EIF4EBP1: variants seen among roughly 807,000 people sequenced by gnomAD.
EIF4EBP1 encodes eukaryotic translation initiation factor 4E-binding protein 1.
Under a neutral mutation model 9.2 loss-of-function variants are expected in EIF4EBP1, and 5 were observed. The observed-to-expected ratio is 0.54, with a 90% CI of 0.28 to 1.14. EIF4EBP1 has a LOEUF of 1.14. Ranked by LOEUF, EIF4EBP1 falls within the 50% of genes most tolerant of loss-of-function variation. The probability of loss-of-function intolerance (pLI) is 0.09; values close to 1 mark genes in which losing one functional copy is unlikely to be tolerated. For synonymous variants in EIF4EBP1, 62 were observed against 67.0 expected (o/e 0.93, Z 0.36); for missense variants, 139 against 169.6 (o/e 0.82, Z 1.00).
At chr8:38,034,309 A>G (rs1809271305) in intron 1 of EIF4EBP1, among the ~76,000 whole-genome samples, 1 of 151,976 alleles carries the variant, frequency 6.6e-6, no homozygotes, top group African/African-American at 2.4e-5. Context: ...CAGCCTCCCA[A>G]ACTGCTGGGA....
chr8:38,037,592 C>T (rs549956189), intron 1 of EIF4EBP1, among the ~76,000 whole-genome samples: 37 of 152,230 alleles, frequency 2.4e-4, no homozygotes, highest in Middle Eastern at 3.4e-3. Context: ...GGATTACAGG[C>T]GTGAGCTACC....
intron 2 of EIF4EBP1, among the ~76,000 whole-genome samples, chr8:38,058,325 A>G (rs1361103709): frequency 6.6e-6 from 1 of 152,182 alleles, no homozygotes; most frequent in Non-Finnish European, 1.5e-5. Flanking sequence ...GGCGGAAGGC[A>G]TCACAGGGCA....
chr8:38,031,425 G>A (rs1284109879), intron 1 of EIF4EBP1, among the ~76,000 whole-genome samples: 1 of 152,146 alleles, frequency 6.6e-6, no homozygotes, highest in Non-Finnish European at 1.5e-5. Flanking sequence ...GGGTGGGGGG[G>A]CCAGCCTCGG....
At chr8:38,042,201 C>T (rs972767362) in intron 1 of EIF4EBP1, among the ~76,000 whole-genome samples, 1 of 152,144 alleles carries the variant, frequency 6.6e-6, no homozygotes, top group African/African-American at 2.4e-5. Context: ...TGTGAATATC[C>T]TTAATTTTCT....
rs115677666 is a variant in EIF4EBP1 at position 38,037,141 on chromosome 8, C to A, written c.145+6423C>A. Reference sequence around the variant, plus strand: ...ATTATGATTCATAGCGAATGAATCACACGTTTTTGTTTACGTGTTTGTTCC... The same window carrying A: ...ATTATGATTCATAGCGAATGAATCAAACGTTTTTGTTTACGTGTTTGTTCC... On this transcript the variant is annotated intron_variant, in intron 1 of 2. Transcript: ENST00000338825. Among the ~76,000 whole-genome samples the A allele has an allele frequency of 9.7e-3, 1,476 of 152,198 alleles. 25 individuals carry two copies. Among genetic ancestry groups the A allele is most frequent in the African/African-American group, 0.034 (1,402 of 41,490 alleles).
At chr8:38,031,568 GC>G (rs942002536) in intron 1 of EIF4EBP1, among the ~76,000 whole-genome samples, 2 of 152,108 alleles carry the variant, frequency 1.3e-5, no homozygotes, top group African/African-American at 4.8e-5. Context: ...TTGTCGCACT[GC>G]CCCCACCCCT....
At chr8:38,037,028 G>A (rs1809313154) in intron 1 of EIF4EBP1, among the ~76,000 whole-genome samples, 1 of 152,048 alleles carries the variant, frequency 6.6e-6, no homozygotes, top group Admixed American at 6.6e-5. Context: ...GTTCAGTTGT[G>A]CACATAGATT....
At chr8:38,059,767 AC>A in intron 2 of EIF4EBP1, 136 bp from the exon 3 acceptor site, 11 of 879,950 alleles carry the variant, frequency 1.3e-5, no homozygotes, top group East Asian at 8.1e-5. Context: ...AAAAAAAAAA[AC>A]AAAAAAACAA....
chr8:38,044,871 A>G (rs1260999726), intron 1 of EIF4EBP1, among the ~76,000 whole-genome samples: 1 of 152,108 alleles, frequency 6.6e-6, no homozygotes, highest in Non-Finnish European at 1.5e-5. Context: ...GGGGAGTTGT[A>G]AGGGGGAATA....
At chr8:38,038,019 C>A (rs1434134436) in intron 1 of EIF4EBP1, among the ~76,000 whole-genome samples, 2 of 151,674 alleles carry the variant, frequency 1.3e-5, no homozygotes, top group African/African-American at 4.8e-5. Flanking sequence ...AGAGATCCAC[C>A]ACCTCAGCCT....
rs569709066 is a variant in EIF4EBP1 at position 38,060,098 on chromosome 8, T to A, written c.*163T>A. 3.8e-5 allele frequency: 27 copies of A among 702,302 alleles called. No individual in the cohort carries two copies. Among genetic ancestry groups the A allele is most frequent in the South Asian group, 3.7e-4 (24 of 64,182 alleles). The allele number at this position is 702,302 out of a possible 1,614,324, so 43.5% of individuals were successfully genotyped here. A position where few individuals can be genotyped will look rare whatever the true frequency, so the allele number is the denominator to read the frequency against. On this transcript the variant is annotated 3_prime_UTR_variant, in exon 3 of 3. Coordinates refer to ENST00000338825, the MANE Select transcript of EIF4EBP1 (RefSeq NM_004095.4). ...CTCACTCAGGGCACCTGCCCCCTCC[T>A]CTTCGTGAACACCAGCAGATACCTC...
intron 1 of EIF4EBP1, among the ~76,000 whole-genome samples, chr8:38,032,794 A>G (rs1381111502): frequency 1.3e-5 from 2 of 152,208 alleles, no homozygotes; most frequent in African/African-American, 2.4e-5. Flanking sequence ...GCTGACTTCC[A>G]CTAAAGTCAA....
At chr8:38,033,086 A>T (rs1809247921) in intron 1 of EIF4EBP1, among the ~76,000 whole-genome samples, 2 of 126,986 alleles carry the variant, frequency 1.6e-5, no homozygotes, top group East Asian at 2.2e-4. Flanking sequence ...TTTTTTTGAG[A>T]CAGGGTCTCA....
chr8:38,032,028 C>T (rs1337135515), intron 1 of EIF4EBP1, among the ~76,000 whole-genome samples: 1 of 152,220 alleles, frequency 6.6e-6, no homozygotes, highest in South Asian at 2.1e-4. Flanking sequence ...ATGCTGTTCT[C>T]CTTTGTCTCT....
At chr8:38,040,161 A>G (rs982124725) in intron 1 of EIF4EBP1, among the ~76,000 whole-genome samples, 1 of 152,058 alleles carries the variant, frequency 6.6e-6, no homozygotes, top group Non-Finnish European at 1.5e-5. Context: ...GGGATTACAG[A>G]TGTGAGCCAC....
chr8:38,030,970 A>C (rs2130374706), intron 1 of EIF4EBP1, among the ~76,000 whole-genome samples: 1 of 152,256 alleles, frequency 6.6e-6, no homozygotes, highest in Middle Eastern at 3.4e-3. Flanking sequence ...GACACCTAAC[A>C]AACACGCACG....
chr8:38,039,042 G>A (rs368480157), intron 1 of EIF4EBP1, among the ~76,000 whole-genome samples: 32 of 151,602 alleles, frequency 2.1e-4, no homozygotes, highest in South Asian at 8.3e-4. Flanking sequence ...ACAGGCACGC[G>A]CAACCACACC....
chr8:38,035,892 A>T (rs1463942641), intron 1 of EIF4EBP1, among the ~76,000 whole-genome samples: 1 of 150,196 alleles, frequency 6.7e-6, no homozygotes, highest in Non-Finnish European at 1.5e-5. Context: ...TATTTTTAGT[A>T]GAGATGGGGT....
At chr8:38,043,814 A>C (rs972150123) in intron 1 of EIF4EBP1, among the ~76,000 whole-genome samples, 1 of 152,088 alleles carries the variant, frequency 6.6e-6, no homozygotes, top group African/African-American at 2.4e-5. Context: ...TGCGGGGCAG[A>C]GGTAAAGAAA....
Sources: gnomAD v4.1 joint callset for allele counts (sites outside exome capture counted in the v4.1 genomes callset) on GRCh38, gnomAD v4.1.1 for gene constraint, MANE v1.5 for transcripts, NCBI Gene and HGNC (gene_info 2026-07-23, HGNC 2026-07-21) for gene names.